Variants in CAMTA1 observed in about 807,000 individuals in gnomAD.
CAMTA1 encodes the protein calmodulin-binding transcription activator 1.
Under a neutral mutation model 170.9 loss-of-function variants are expected in CAMTA1, and 27 were observed. The observed-to-expected ratio is 0.16, with a 90% CI of 0.12 to 0.22. CAMTA1 has a LOEUF of 0.22. Among genes scored for constraint, CAMTA1 ranks in the 10% least tolerant of loss-of-function variants. CAMTA1 has a pLI of 1.00. For synonymous variants in CAMTA1, 833 were observed against 891.5 expected (o/e 0.93, Z 1.17); for missense variants, 1,619 against 2,217.2 (o/e 0.73, Z 5.42).
chr1:7,372,799 A>G (rs975939816), intron 5 of CAMTA1, among the ~76,000 whole-genome samples: 7 of 152,224 alleles, frequency 4.6e-5, no homozygotes, highest in African/African-American at 1.7e-4. Flanking sequence ...TTGCAGAGCT[A>G]GTCGGCAATA....
chr1:7,765,116 C>T (rs530654426), intron 22 of CAMTA1, among the ~76,000 whole-genome samples: 3 of 152,272 alleles, frequency 2.0e-5, no homozygotes, highest in Admixed American at 6.5e-5. Context: ...AGTATGGTGT[C>T]CTAAGAAACT....
At chr1:7,332,631 CATTGTGTTACTTAATTT>C (rs1427402587) in intron 5 of CAMTA1, among the ~76,000 whole-genome samples, 4 of 152,162 alleles carry the variant, frequency 2.6e-5, no homozygotes, top group African/African-American at 9.7e-5. Context: ...TTCCCGCAGC[CATTGTGTTACTTAATTT>C]ATTGTTGTGT....
chr1:7,480,643 C>G (rs576661028), intron 6 of CAMTA1, among the ~76,000 whole-genome samples: 1 of 152,218 alleles, frequency 6.6e-6, no homozygotes, highest in South Asian at 2.1e-4. Context: ...TGAACGCTCC[C>G]TGCTGCCGAG....
At chr1:7,283,980 G>A (rs1443077180) in intron 5 of CAMTA1, among the ~76,000 whole-genome samples, 1 of 152,122 alleles carries the variant, frequency 6.6e-6, no homozygotes, top group African/African-American at 2.4e-5. Flanking sequence ...TATCCAAGTT[G>A]AGTCCCAGTT....
intron 11 of CAMTA1, among the ~76,000 whole-genome samples, chr1:7,678,659 G>A (rs1161120091): frequency 6.6e-6 from 1 of 152,192 alleles, no homozygotes; most frequent in African/African-American, 2.4e-5. Flanking sequence ...CGGTAGGAGG[G>A]ATGCCTGTCC....
chr1:7,735,821 G>A (rs1023566609), intron 12 of CAMTA1, among the ~76,000 whole-genome samples: 3 of 152,092 alleles, frequency 2.0e-5, no homozygotes, highest in Non-Finnish European at 2.9e-5. Flanking sequence ...ACCCAGGCTG[G>A]AATGCAGTGG....
intron 7 of CAMTA1, among the ~76,000 whole-genome samples, chr1:7,648,786 G>A (rs973450481): frequency 6.6e-6 from 1 of 152,174 alleles, no homozygotes; most frequent in African/African-American, 2.4e-5. Context: ...CCCTTCCCCA[G>A]ACATTCTGAC....
chr1:7,427,680 T>G (rs972190734), intron 5 of CAMTA1, among the ~76,000 whole-genome samples: 1 of 152,184 alleles, frequency 6.6e-6, no homozygotes, highest in African/African-American at 2.4e-5. Context: ...TTTTTAGCAA[T>G]GGGAAATTAA....
Position 7,736,358 on chromosome 1 carries a change from T to C in CAMTA1, c.3081T>C (p.Thr1027=), listed in dbSNP as rs770060114. 2 of 1,614,072 alleles carry C rather than the reference T, an allele frequency of 1.2e-6. No individual in the cohort carries two copies. ...GGSQAQCASG[T]GALGSCFESR... is the part of the protein sequence containing the mutation. The stretch of plus-strand genomic sequence containing the variant: ...TTTTGTGACAGTGTGCTTCTGGGAC[T>C]GGGGCCTTGGGGAGCTGCTTTGAGA... The change falls in exon 13 of 23, where the codon ACT becomes ACC. Residue 1027 remains threonine, a synonymous_variant. Transcript: ENST00000303635. This position sits in a 1 kb window ranked among gnomAD's most constrained non-coding sequence, Gnocchi z 4.5.
At chr1:7,442,045 C>T (rs955251984) in intron 5 of CAMTA1, among the ~76,000 whole-genome samples, 6 of 152,128 alleles carry the variant, frequency 3.9e-5, no homozygotes, top group Non-Finnish European at 2.9e-5. Flanking sequence ...ACTTCCCCAG[C>T]GCTGTCCTCA....
chr1:7,572,023 T>A (rs2095131867), intron 6 of CAMTA1, among the ~76,000 whole-genome samples: 1 of 152,228 alleles, frequency 6.6e-6, no homozygotes, highest in African/African-American at 2.4e-5. Flanking sequence ...TTTTTAATAA[T>A]AGGCATTCTG....
chr1:7,143,498 G>A (rs1475026355), intron 4 of CAMTA1, among the ~76,000 whole-genome samples: 11 of 152,110 alleles, frequency 7.2e-5, no homozygotes, highest in Non-Finnish European at 1.0e-4. Context: ...CCATCTCTGG[G>A]TGCAGCCTGC....
At chr1:6,844,021 C>T (rs1006419543) in intron 3 of CAMTA1, among the ~76,000 whole-genome samples, 2 of 152,190 alleles carry the variant, frequency 1.3e-5, no homozygotes, top group African/African-American at 2.4e-5. Flanking sequence ...CCCAGCAGTT[C>T]TACTCCTTAT....
At chr1:7,270,244 TACACACACACACAC>T (rs57280188) in intron 5 of CAMTA1, among the ~76,000 whole-genome samples, 173 of 127,198 alleles carry the variant, frequency 1.4e-3, no homozygotes, top group Admixed American at 2.0e-3. Context: ...CATATATACA[TACACACACACACAC>T]ACACACACAC....
At chr1:6,901,015 A>G (rs1287980633) in intron 3 of CAMTA1, among the ~76,000 whole-genome samples, 3 of 152,274 alleles carry the variant, frequency 2.0e-5, no homozygotes, top group Non-Finnish European at 4.4e-5. Flanking sequence ...TACAGTAATC[A>G]AGACAGTGTG....
chr1:6,994,964 C>T (rs12043302), intron 3 of CAMTA1, among the ~76,000 whole-genome samples: 24,040 of 152,082 alleles, frequency 0.16, 2,179 homozygotes, highest in African/African-American at 0.25. Context: ...CCATTGCACC[C>T]GGCCCGAGCT....
At chr1:7,506,976 C>T (rs1039230346) in intron 6 of CAMTA1, among the ~76,000 whole-genome samples, 39 of 149,308 alleles carry the variant, frequency 2.6e-4, no homozygotes, top group Non-Finnish European at 3.8e-4. Flanking sequence ...TTTGCACTTG[C>T]TCTGATACTG....
chr1:7,309,694 T>C (rs187661503), intron 5 of CAMTA1, among the ~76,000 whole-genome samples: 4 of 152,232 alleles, frequency 2.6e-5, no homozygotes, highest in Admixed American at 2.0e-4. Flanking sequence ...ATTTTACATA[T>C]TGTGTTTTTT....
intron 4 of CAMTA1, among the ~76,000 whole-genome samples, chr1:7,206,752 T>G (rs182729831): frequency 6.6e-5 from 10 of 152,362 alleles, no homozygotes. Context: ...GAGCCTCTGT[T>G]GCTTCACATT....
Sources: allele counts gnomAD v4.1 joint callset (sites outside exome capture counted in the v4.1 genomes callset), GRCh38; gene constraint gnomAD v4.1.1; non-coding constraint Gnocchi (gnomAD v3.1); transcripts MANE v1.5; gene names NCBI Gene and HGNC (gene_info 2026-07-23, HGNC 2026-07-21).